ATRX: variants seen among roughly 807,000 people sequenced by gnomAD.
The protein encoded by ATRX is chromatin remodeler ATRX.
A neutral mutation model predicts 172.6 loss-of-function variants in ATRX; 12 were observed. The ratio of observed to expected loss-of-function variants is 0.07; its 90% CI spans 0.04 to 0.11. The LOEUF (loss-of-function observed/expected upper bound fraction) is 0.11. Ranked by LOEUF, ATRX falls within the 10% of genes least tolerant of loss-of-function variation. The probability of loss-of-function intolerance (pLI) is 1.00; values close to 1 mark genes in which losing one functional copy is unlikely to be tolerated. For synonymous variants in ATRX, 674 were observed against 594.7 expected (o/e 1.13, Z -1.94); for missense variants, 1,368 against 1,767.4 (o/e 0.77, Z 4.05).
At chrX:77,687,535 C>A (rs1353707792) in intron 7 of ATRX, among the ~76,000 whole-genome samples, 2 of 111,762 alleles carry the variant, frequency 1.8e-5, no homozygotes, top group Non-Finnish European at 3.8e-5. Context: ...TACAAACTAC[C>A]GATTAGTGAA....
intron 28 of ATRX, among the ~76,000 whole-genome samples, chrX:77,571,616 T>C (rs944930801): frequency 1.8e-5 from 2 of 111,447 alleles, no homozygotes; most frequent in Non-Finnish European, 3.8e-5. Flanking sequence ...AGAGCGAGCT[T>C]TGTGGTGATG....
Position 77,506,306 on chromosome X carries a change from T to C in ATRX, c.*2045A>G, listed in dbSNP as rs2062705430. The C allele has an allele frequency of 1.2e-5, 2 of 171,256 alleles. No homozygotes were observed. The highest frequency in any genetic ancestry group is 3.0e-5 in the African/African-American group (1 of 33,663). 14.1% of individuals were successfully genotyped at this position (171,256 alleles called of 1,213,427 possible). On this transcript the variant is annotated 3_prime_UTR_variant, in exon 35 of 35. Coordinates refer to ENST00000373344, the MANE Select transcript of ATRX (RefSeq NM_000489.6). ...TAGCTAAAATGTCAAGTGAGAAGAG[T>C]GTATACAAAGTGGTCCAAGTTTTAT...
intron 27 of ATRX, among the ~76,000 whole-genome samples, chrX:77,585,562 C>A (rs1301000007): frequency 4.4e-5 from 3 of 68,119 alleles, no homozygotes; most frequent in African/African-American, 6.3e-5. Context: ...GGTGACAGAG[C>A]AAGACCTTGT....
intron 30 of ATRX, among the ~76,000 whole-genome samples, chrX:77,530,662 G>A (rs868984374): frequency 9.1e-6 from 1 of 110,037 alleles, no homozygotes; most frequent in Non-Finnish European, 1.9e-5. Context: ...AAGATTTCAC[G>A]TTAACAACCA....
rs199885990 is a variant in ATRX at position 77,537,842 on chromosome X, A to AAT, written c.6700-14443_6700-14442dup. Among the ~76,000 whole-genome samples the AAT allele has an allele frequency of 6.3e-3, 696 of 110,986 alleles. 8 individuals carry two copies. Among genetic ancestry groups the AAT allele is most frequent in the African/African-American group, 0.021 (652 of 30,591 alleles). On this transcript the variant is annotated intron_variant, in intron 30 of 34. Transcript: ENST00000373344. Reference sequence around the variant, plus strand: ...AGACCAATAGTTATTACCTGTCCTGAATATATATATATGTATTTTTAAAAA... The same window carrying AAT: ...AGACCAATAGTTATTACCTGTCCTGAATATATATATATATGTATTTTTAAAAA...
At position 77,553,643 on chromosome X, in the gene ATRX, G is replaced by A. The variant is rs142013382; in HGVS notation, c.6699+3808C>T. ...AGGTTCTTCAAACTTATCATGCCAT[G>A]TTATGCATGTGCTTCTTTTTTTCTA... On this transcript the variant is annotated intron_variant, in intron 30 of 34. Transcript: ENST00000373344. Among the ~76,000 whole-genome samples, 828 of 111,363 alleles carry A rather than the reference G, an allele frequency of 7.4e-3. 13 individuals carry two copies. The highest frequency in any genetic ancestry group is 0.026 in the African/African-American group (789 of 30,651).
intron 1 of ATRX, among the ~76,000 whole-genome samples, chrX:77,757,460 A>G (rs2075546190): frequency 8.9e-6 from 1 of 112,050 alleles, no homozygotes; most frequent in Non-Finnish European, 1.9e-5. Flanking sequence ...AAAATATCAG[A>G]TGCAAATGGA....
At position 77,577,743 on chromosome X, in the gene ATRX, A is replaced by C. The variant is rs781806737; in HGVS notation, c.6218-3385T>G. Among the ~76,000 whole-genome samples the C allele has an allele frequency of 6.3e-5, 7 of 111,962 alleles. No individual in the cohort carries two copies. The South Asian group carries it at 2.6e-3, about 42-fold the overall frequency. On this transcript the variant is annotated intron_variant, in intron 27 of 34. Transcript: ENST00000373344. ...ATTCCAAAAAACAGAAACAGGAACA[A>C]ATACCAACTCATTCAATCAGGGCAG...
At chrX:77,765,836 C>T (rs781926430) in intron 1 of ATRX, among the ~76,000 whole-genome samples, 7 of 108,884 alleles carry the variant, frequency 6.4e-5, no homozygotes, top group East Asian at 2.9e-4. Flanking sequence ...GAGGACCCTG[C>T]GGCCTTCCAC....
At chrX:77,713,336 G>T (rs1472777906) in intron 2 of ATRX, among the ~76,000 whole-genome samples, 1 of 111,069 alleles carries the variant, frequency 9.0e-6, no homozygotes, top group Non-Finnish European at 1.9e-5. Context: ...AAAGAGCTTG[G>T]AAACAAAGAC....
At chrX:77,538,230 A>AACACAC (rs34675782) in intron 30 of ATRX, among the ~76,000 whole-genome samples, 5,173 of 95,902 alleles carry the variant, frequency 0.054, 186 homozygotes, top group African/African-American at 0.11. Flanking sequence ...TACACACACA[A>AACACAC]ACACACACAC....
rs2076371375 is a variant in ATRX at position 77,776,972 on chromosome X, G to T, written c.20+9010C>A. 2.7e-5 allele frequency among the ~76,000 whole-genome samples: 3 copies of T among 110,146 alleles called. 1 individual carries two copies. In the Admixed American group the frequency reaches 3.0e-4, roughly 11 times the overall value. ...AGACAGTAAACATTTTAGGCTTTGTGGGCTACTAGGTCTCTGCTGCAGCTA... is the reference window on the plus strand; with the variant it reads ...AGACAGTAAACATTTTAGGCTTTGTTGGCTACTAGGTCTCTGCTGCAGCTA... On this transcript the variant is annotated intron_variant, in intron 1 of 34. Transcript: ENST00000373344.
chrX:77,757,005 C>T (rs1300449454), intron 1 of ATRX, among the ~76,000 whole-genome samples: 6 of 110,863 alleles, frequency 5.4e-5, no homozygotes, highest in African/African-American at 9.8e-5. Flanking sequence ...AGGCTGGTCT[C>T]GAACTCCTGG....
At chrX:77,604,995 G>A (rs781992795) in intron 22 of ATRX, among the ~76,000 whole-genome samples, 1 of 112,184 alleles carries the variant, frequency 8.9e-6, no homozygotes, top group East Asian at 2.8e-4. Flanking sequence ...ATGGAGACTT[G>A]GAAGGGTCGG....
At chrX:77,548,713 A>C (rs1488622100) in intron 30 of ATRX, among the ~76,000 whole-genome samples, 1 of 112,772 alleles carries the variant, frequency 8.9e-6, no homozygotes, top group Non-Finnish European at 1.9e-5. Flanking sequence ...AGAATGACTA[A>C]GGTGAAACCT....
At chrX:77,686,242 G>A (rs2071545406) in intron 7 of ATRX, among the ~76,000 whole-genome samples, 1 of 112,362 alleles carries the variant, frequency 8.9e-6, no homozygotes, top group Admixed American at 9.4e-5. Flanking sequence ...TGCTTGAGGG[G>A]ATGGATACCC....
intron 1 of ATRX, among the ~76,000 whole-genome samples, chrX:77,744,398 C>T (rs2074987521): frequency 1.8e-5 from 2 of 111,928 alleles, no homozygotes; most frequent in African/African-American, 6.5e-5. Flanking sequence ...GAAGAAATCT[C>T]CCCTCACCAT....
At chrX:77,709,443 T>G (rs1054629298) in intron 2 of ATRX, among the ~76,000 whole-genome samples, 3 of 110,703 alleles carry the variant, frequency 2.7e-5, no homozygotes, top group Admixed American at 9.7e-5. Context: ...TTTAAAAAAA[T>G]GAACATGTAA....
rs1009032228 is a variant in ATRX, at chrX:77,505,385, A to C, written c.*2966T>G. 26 of 172,708 alleles carry C rather than the reference A, an allele frequency of 1.5e-4. No homozygotes were observed. The highest frequency in any genetic ancestry group is 6.8e-4 in the African/African-American group (23 of 33,721). The allele number at this position is 172,708 out of a possible 1,213,427, so 14.2% of individuals were successfully genotyped here. A position where few individuals can be genotyped will look rare whatever the true frequency, so the allele number is the denominator to read the frequency against. ...TGAATGGTAAGCAGCTTTTCTATCA[A>C]GTGTGGGTTGGTAGCCCTGCTTGAC... On this transcript the variant is annotated 3_prime_UTR_variant, in exon 35 of 35. Transcript: ENST00000373344.
Sources: gnomAD v4.1 joint callset for allele counts (sites outside exome capture counted in the v4.1 genomes callset) on GRCh38, gnomAD v4.1.1 for gene constraint, MANE v1.5 for transcripts, NCBI Gene and HGNC (gene_info 2026-07-23, HGNC 2026-07-21) for gene names.